SH3BGRL2: variants seen among roughly 807,000 people sequenced by gnomAD.
The protein encoded by SH3BGRL2 is SH3 domain binding glutamate rich protein like 2, also known as SH3 domain-binding glutamic acid-rich-like protein 2.
SH3BGRL2 carries 21 observed loss-of-function variants against 14.8 expected under a neutral mutation model. That is an observed-to-expected ratio of 1.42 (90% CI 1.01 to 2.05). The LOEUF (loss-of-function observed/expected upper bound fraction) is 2.05, where lower values mean the gene tolerates loss of function less well. Ranked by LOEUF, SH3BGRL2 falls within the 30% of genes most tolerant of loss-of-function variation. The pLI, the probability that SH3BGRL2 is intolerant of heterozygous loss-of-function variation, is 0.00. For missense variants in SH3BGRL2, 147 were observed against 130.8 expected, an observed-to-expected ratio of 1.12 and a Z score of -0.61; for synonymous variants, 50 against 47.8, an observed-to-expected ratio of 1.05 and a Z score of -0.19.
chr6:79,639,084 G>A (rs1275505221), intron 1 of SH3BGRL2, among the ~76,000 whole-genome samples: 1 of 152,146 alleles, frequency 6.6e-6, no homozygotes, highest in East Asian at 1.9e-4. Flanking sequence ...CAGGCAACAG[G>A]AAGCAGTGTG....
chr6:79,588,102 G>A, the SH3BGRL2 span, among the ~76,000 whole-genome samples: 1 of 152,044 alleles, frequency 6.6e-6, no homozygotes, highest in African/African-American at 2.4e-5. Flanking sequence ...GACCATTCTG[G>A]CTAACATGGT....
the SH3BGRL2 span, among the ~76,000 whole-genome samples, chr6:79,556,830 T>C: frequency 6.6e-6 from 1 of 151,968 alleles, no homozygotes; most frequent in African/African-American, 2.4e-5. Flanking sequence ...AGGGAAAATA[T>C]GTATATGACA....
At chr6:79,559,204 C>T in the SH3BGRL2 span, among the ~76,000 whole-genome samples, 1 of 152,050 alleles carries the variant, frequency 6.6e-6, no homozygotes, top group East Asian at 1.9e-4. Flanking sequence ...TGTCTCACGC[C>T]TGTAATCCCA....
the SH3BGRL2 span, among the ~76,000 whole-genome samples, chr6:79,613,027 C>T: frequency 6.6e-6 from 1 of 152,178 alleles, no homozygotes; most frequent in Non-Finnish European, 1.5e-5. Context: ...GAGGCTTTCC[C>T]CAGGGGCCCT....
At chr6:79,557,773 T>C in the SH3BGRL2 span, among the ~76,000 whole-genome samples, 2 of 152,226 alleles carry the variant, frequency 1.3e-5, no homozygotes, top group Non-Finnish European at 2.9e-5. Flanking sequence ...TCTAAGTAAA[T>C]TTTAATATTT....
chr6:79,697,065 G>A (rs923707554), intron 3 of SH3BGRL2, among the ~76,000 whole-genome samples: 3 of 151,912 alleles, frequency 2.0e-5, no homozygotes, highest in African/African-American at 7.3e-5. Flanking sequence ...AAAACATAAA[G>A]GAGCCAATAT....
chr6:79,622,713 A>G, the SH3BGRL2 span, among the ~76,000 whole-genome samples: 1 of 152,208 alleles, frequency 6.6e-6, no homozygotes, highest in Non-Finnish European at 1.5e-5. Flanking sequence ...TATCCTCTGT[A>G]TTGAATAGCT....
chr6:79,695,040 A>C (rs1770303855), intron 2 of SH3BGRL2, among the ~76,000 whole-genome samples: 1 of 152,214 alleles, frequency 6.6e-6, no homozygotes, highest in Non-Finnish European at 1.5e-5. Flanking sequence ...TTCTTGGTTT[A>C]CAAAGCCCAG....
the SH3BGRL2 span, among the ~76,000 whole-genome samples, chr6:79,558,441 A>G: frequency 6.6e-6 from 1 of 152,206 alleles, no homozygotes; most frequent in Non-Finnish European, 1.5e-5. Flanking sequence ...CCTTTTAGAA[A>G]GGGTTTTAAA....
chr6:79,556,270 CAG>C, the SH3BGRL2 span, among the ~76,000 whole-genome samples: 1 of 152,060 alleles, frequency 6.6e-6, no homozygotes, highest in African/African-American at 2.4e-5. Flanking sequence ...CTGAGGAAAA[CAG>C]ATACACTACA....
At chr6:79,631,628 C>T (rs1191393347) in intron 1 of SH3BGRL2, 122 bp downstream of exon 1, 2 of 564,974 alleles carry the variant, frequency 3.5e-6, no homozygotes, top group Non-Finnish European at 4.8e-6. Flanking sequence ...AGCCCGCGCC[C>T]GGCAGGTGAT....
intron 2 of SH3BGRL2, 62 bp from the exon 3 acceptor site, chr6:79,696,423 A>T: frequency 4.0e-6 from 5 of 1,247,466 alleles, no homozygotes; most frequent in Non-Finnish European, 5.7e-6. Context: ...TGTTCAAAGT[A>T]CCAAATATAA....
chr6:79,602,138 C>T, the SH3BGRL2 span, among the ~76,000 whole-genome samples: 2 of 152,110 alleles, frequency 1.3e-5, no homozygotes, highest in African/African-American at 2.4e-5. Flanking sequence ...ATTTGAAAAT[C>T]ACTTTTTAAA....
At chr6:79,636,481 G>GT (rs1488067347) in intron 1 of SH3BGRL2, among the ~76,000 whole-genome samples, 2 of 152,194 alleles carry the variant, frequency 1.3e-5, no homozygotes, top group Non-Finnish European at 2.9e-5. Context: ...AGAAGCAGGA[G>GT]TAAGTTGGGG....
chr6:79,559,443 T>A, the SH3BGRL2 span, among the ~76,000 whole-genome samples: 1 of 152,022 alleles, frequency 6.6e-6, no homozygotes, highest in Non-Finnish European at 1.5e-5. Flanking sequence ...AATCTAATAA[T>A]GAGTAAACAT....
chr6:79,673,890 G>A, intron 2 of SH3BGRL2, 91 bp downstream of exon 2: 1 of 1,329,506 alleles, frequency 7.5e-7, no homozygotes, highest in Non-Finnish European at 1.0e-6. Context: ...AGTGAAGACT[G>A]TGACTTCTTC....
chr6:79,669,960 G>A (rs917673387), intron 1 of SH3BGRL2, among the ~76,000 whole-genome samples: 1 of 152,148 alleles, frequency 6.6e-6, no homozygotes, highest in Non-Finnish European at 1.5e-5. Flanking sequence ...TAGCTCAAAG[G>A]TTGACAAGCC....
rs12529674 is a variant in SH3BGRL2 at position 79,669,894 on chromosome 6, C to A, written c.46-3720C>A. Among the ~76,000 whole-genome samples the A allele has an allele frequency of 8.8e-3, 1,338 of 152,156 alleles. 61 individuals carry two copies. Among genetic ancestry groups the A allele is most frequent in the East Asian group, 0.063 (328 of 5,172 alleles). On this transcript the variant is annotated intron_variant, in intron 1 of 3. Coordinates refer to ENST00000369838, the MANE Select transcript of SH3BGRL2 (RefSeq NM_031469.4). ...TGGTAAAAGTGTAAAATCAGGTGGT[C>A]AAAGGAGGGCTCACTGAGAAAGGGA...
At chr6:79,666,365 C>T (rs1769659606) in intron 1 of SH3BGRL2, among the ~76,000 whole-genome samples, 1 of 152,198 alleles carries the variant, frequency 6.6e-6, no homozygotes, top group Non-Finnish European at 1.5e-5. Flanking sequence ...TGTCCAGAAG[C>T]TCCACCTAGT....
Sources: allele counts gnomAD v4.1 joint callset (sites outside exome capture counted in the v4.1 genomes callset), GRCh38; gene constraint gnomAD v4.1.1; transcripts MANE v1.5; gene names NCBI Gene and HGNC (gene_info 2026-07-23, HGNC 2026-07-21).